The following FAM3B variants were observed in gnomAD, a reference collection of about 807,000 sequenced individuals.
FAM3B encodes the protein FAM3 metabolism regulating signaling molecule B.
In FAM3B, 29 loss-of-function variants were observed where a neutral mutation model predicts 28.4. The observed-to-expected ratio is 1.02, with a 90% confidence interval of 0.76 to 1.39. FAM3B has a LOEUF of 1.39. Ranked by LOEUF, FAM3B falls within the 40% of genes most tolerant of loss-of-function variation. The probability of loss-of-function intolerance (pLI) is 0.00; values close to 1 mark genes in which losing one functional copy is unlikely to be tolerated. For missense variants in FAM3B, 266 were observed against 293.9 expected, an observed-to-expected ratio of 0.91 and a Z score of 0.69; for synonymous variants, 91 against 103.0, an observed-to-expected ratio of 0.88 and a Z score of 0.71.
At chr21:41,330,252 T>A (rs1421729289) in intron 2 of FAM3B, among the ~76,000 whole-genome samples, 1 of 152,130 alleles carries the variant, frequency 6.6e-6, no homozygotes, top group Non-Finnish European at 1.5e-5. Context: ...AAGGAAATAT[T>A]CATCAGAGCG....
intron 2 of FAM3B, among the ~76,000 whole-genome samples, chr21:41,335,193 T>C (rs1030955864): frequency 2.6e-5 from 4 of 152,284 alleles, no homozygotes; most frequent in East Asian, 1.9e-4. Context: ...TTTGGACTTT[T>C]GAGTTAATGC....
intron 1 of FAM3B, among the ~76,000 whole-genome samples, chr21:41,311,268 A>G (rs867090757): frequency 1.6e-5 from 1 of 61,784 alleles, no homozygotes; most frequent in African/African-American, 9.0e-5. Context: ...ATATATATAT[A>G]TATATATATA....
Position 41,316,855 on chromosome 21 carries a change from C to T in FAM3B, c.-25C>T. On this transcript the variant is annotated 5_prime_UTR_variant, in exon 1 of 8. Transcript: ENST00000357985. ...GGTCGCCTGGGAGCTGCCGCCAGGGCCAGGAGGGGAGCGGCACCTGGAAGA... is the reference window on the plus strand; with the variant it reads ...GGTCGCCTGGGAGCTGCCGCCAGGGTCAGGAGGGGAGCGGCACCTGGAAGA... 7.0e-7 allele frequency: 1 copy of T among 1,434,398 alleles called. No individual in the cohort carries two copies. The highest frequency in any genetic ancestry group is 9.1e-7 in the Non-Finnish European group (1 of 1,096,798). The allele number at this position is 1,434,398 out of a possible 1,614,324, so 88.9% of individuals were successfully genotyped here.
Position 41,357,098 on chromosome 21 carries a change from C to T in FAM3B, c.619-10C>T, listed in dbSNP as rs760526788. ...AATGAATAAATAAAACTCTTCTTTT[C>T]TCTACACAGATCAACCACTCTGATG... is the stretch of plus-strand genomic sequence containing the variant. On this transcript the variant is annotated splice_polypyrimidine_tract_variant and intron_variant, in intron 7 of 7. Transcript: ENST00000357985. 49 of 1,603,524 alleles carry T rather than the reference C, an allele frequency of 3.1e-5. No individual in the cohort carries two copies. Among genetic ancestry groups the T allele is most frequent in the Middle Eastern group, 3.3e-4 (2 of 6,060 alleles).
At chr21:41,336,768 A>G (rs1001511863) in intron 2 of FAM3B, among the ~76,000 whole-genome samples, 1 of 152,026 alleles carries the variant, frequency 6.6e-6, no homozygotes, top group African/African-American at 2.4e-5. Flanking sequence ...TGGTGCATAC[A>G]TACACACACA....
intron 2 of FAM3B, among the ~76,000 whole-genome samples, chr21:41,331,084 A>G (rs1410229964): frequency 6.6e-6 from 1 of 152,198 alleles, no homozygotes; most frequent in Non-Finnish European, 1.5e-5. Context: ...TTTGCTCCAC[A>G]TCTTCACCAA....
chr21:41,353,138 C>T (rs962883659), intron 7 of FAM3B, among the ~76,000 whole-genome samples: 2 of 152,004 alleles, frequency 1.3e-5, no homozygotes, highest in African/African-American at 4.8e-5. Flanking sequence ...ACACTGAAAA[C>T]AATAAAACAT....
chr21:41,316,193 C>A (rs2088747567), upstream of FAM3B, among the ~76,000 whole-genome samples: 1 of 152,218 alleles, frequency 6.6e-6, no homozygotes, highest in Non-Finnish European at 1.5e-5. Context: ...CCTGAAGCTC[C>A]TTGGTCATCA....
intron 3 of FAM3B, among the ~76,000 whole-genome samples, chr21:41,342,924 G>A (rs1187579761): frequency 6.6e-6 from 1 of 152,120 alleles, no homozygotes; most frequent in Non-Finnish European, 1.5e-5. Flanking sequence ...TTGAGGCATG[G>A]GATGATATCT....
chr21:41,355,311 C>T (rs1404411843), intron 7 of FAM3B, among the ~76,000 whole-genome samples: 1 of 152,172 alleles, frequency 6.6e-6, no homozygotes, highest in Non-Finnish European at 1.5e-5. Flanking sequence ...CCCAACAGTT[C>T]CTCTTGTAGG....
chr21:41,329,827 C>T (rs991648614), intron 2 of FAM3B, among the ~76,000 whole-genome samples: 4 of 152,140 alleles, frequency 2.6e-5, no homozygotes, highest in Middle Eastern at 3.2e-3. Context: ...ACCTCAGCCT[C>T]CCAAACTGCT....
rs59345837 is a variant in FAM3B, at chr21:41,356,040, TACACACACACACACACACAC to T, written c.619-1042_619-1023del. Reference sequence around the variant, plus strand: ...ACAAGGACTCTGGGAAAAAAATACATACACACACACACACACACACACACACACACACACACACACACACA... The same window carrying T: ...ACAAGGACTCTGGGAAAAAAATACATACACACACACACACACACACACACA... On this transcript the variant is annotated intron_variant, in intron 7 of 7. Coordinates refer to ENST00000357985, the MANE Select transcript of FAM3B (RefSeq NM_058186.4). 3.0e-4 allele frequency among the ~76,000 whole-genome samples: 36 copies of T among 119,970 alleles called. 1 individual carries two copies. The highest frequency in any genetic ancestry group is 4.7e-4 in the Non-Finnish European group (27 of 57,108). 78.7% of individuals were successfully genotyped at this position (119,970 alleles called of 152,430 possible).
chr21:41,337,689 G>A (rs2088966959), intron 2 of FAM3B, among the ~76,000 whole-genome samples: 1 of 151,908 alleles, frequency 6.6e-6, no homozygotes, highest in African/African-American at 2.4e-5. Flanking sequence ...GTGCGTGTGT[G>A]TACATGTATG....
intron 3 of FAM3B, among the ~76,000 whole-genome samples, chr21:41,343,961 A>T (rs559320102): frequency 4.2e-4 from 64 of 152,284 alleles, no homozygotes; most frequent in African/African-American, 1.2e-3. Flanking sequence ...CTACAAAAAA[A>T]TTTTTAAAAT....
chr21:41,327,840 G>GTGGTTT (rs1157602325), intron 2 of FAM3B, among the ~76,000 whole-genome samples: 1 of 152,204 alleles, frequency 6.6e-6, no homozygotes, highest in Non-Finnish European at 1.5e-5. Flanking sequence ...GGATGCAGAG[G>GTGGTTT]TGGTTTTATC....
In FAM3B at chr21:41,311,249, AAAATATATATATATATAT is replaced by A. The variant is rs1290881252; in HGVS notation, n.99+6941_99+6958del. Among the ~76,000 whole-genome samples, 24 of 56,644 alleles carry A rather than the reference AAAATATATATATATATAT, an allele frequency of 4.2e-4. 1 individual carries two copies. The highest frequency in any genetic ancestry group is 2.3e-3 in the East Asian group (3 of 1,314). 37.2% of individuals were successfully genotyped at this position (56,644 alleles called of 152,430 possible). ...ACCCTGTCTCTACAAAAAAAAAAAA[AAAATATATATATATATAT>A]ATATATATATATATATATATATATA... On this transcript the variant is annotated intron_variant and non_coding_transcript_variant, in intron 1 of 9. Transcript: ENST00000479810.
At chr21:41,322,373 T>C (rs1005537298) in intron 1 of FAM3B, among the ~76,000 whole-genome samples, 7 of 152,148 alleles carry the variant, frequency 4.6e-5, no homozygotes, top group African/African-American at 1.7e-4. Flanking sequence ...TAGAACAGGT[T>C]TGGGGACTTT....
rs1447924580 is a variant in FAM3B, at chr21:41,322,934, G to A, written c.31G>A (p.Val11Met). The A allele has an allele frequency of 1.9e-6, 3 of 1,613,930 alleles. No individual in the cohort carries two copies. The highest frequency in any genetic ancestry group is 4.5e-5 in the East Asian group (2 of 44,874). MRPLAGGLLK[V>M]VFVVFASLCA... ...TGTCCTCTCTGCAGGCCTGCTCAAG[G>A]TGGTGTTCGTGGTCTTCGCCTCCTT... Residue 11 changes from valine (V) to methionine (M), a missense_variant, in exon 2 of 8, where the codon GTG (valine) becomes ATG (methionine). Physicochemically the swap from Val to Met is conservative, Grantham distance 21. Coordinates refer to ENST00000357985, the MANE Select transcript of FAM3B (RefSeq NM_058186.4).
At chr21:41,306,297 C>A (rs2088682851) in intron 1 of FAM3B, among the ~76,000 whole-genome samples, 1 of 152,184 alleles carries the variant, frequency 6.6e-6, no homozygotes, top group Admixed American at 6.5e-5. Context: ...CTTCCAAACT[C>A]CTTTTAATGT....
Sources: allele counts gnomAD v4.1 joint callset (sites outside exome capture counted in the v4.1 genomes callset), GRCh38; gene constraint gnomAD v4.1.1; transcripts MANE v1.5; gene names NCBI Gene and HGNC (gene_info 2026-07-23, HGNC 2026-07-21).